AFG2A: variants seen among roughly 807,000 people sequenced by gnomAD.
AFG2A encodes ATPase family gene 2 protein homolog A.
At chr4:123,265,974 G>A in the AFG2A span, among the ~76,000 whole-genome samples, 1 of 151,940 alleles carries the variant, frequency 6.6e-6, no homozygotes, top group African/African-American at 2.4e-5. Flanking sequence ...TGATAAAATG[G>A]AGGTGGGGGT....
the AFG2A span, among the ~76,000 whole-genome samples, chr4:123,098,615 C>A: frequency 6.6e-6 from 1 of 151,984 alleles, no homozygotes; most frequent in Non-Finnish European, 1.5e-5. Flanking sequence ...AGATCATGCA[C>A]TATTTGCCTT....
chr4:123,250,731 A>G, the AFG2A span, among the ~76,000 whole-genome samples: 1 of 152,186 alleles, frequency 6.6e-6, no homozygotes, highest in Non-Finnish European at 1.5e-5. Context: ...TAAAGTTTTA[A>G]TGGACAGACC....
chr4:123,197,345 A>G, the AFG2A span, among the ~76,000 whole-genome samples: 9 of 152,210 alleles, frequency 5.9e-5, no homozygotes, highest in Admixed American at 5.2e-4. Flanking sequence ...CCGGGTTAAG[A>G]GAACATAGGC....
At chr4:122,927,942 A>G in the AFG2A span, among the ~76,000 whole-genome samples, 1 of 152,336 alleles carries the variant, frequency 6.6e-6, no homozygotes. Context: ...AAAATGGAAA[A>G]TTCAAAACGC....
the AFG2A span, chr4:122,929,234 G>T: frequency 1.5e-5 from 23 of 1,519,460 alleles, no homozygotes; most frequent in Non-Finnish European, 1.8e-5. Context: ...CTGGATCAAA[G>T]CTGCCCAGTA....
the AFG2A span, among the ~76,000 whole-genome samples, chr4:123,233,485 A>G: frequency 6.6e-6 from 1 of 152,026 alleles, no homozygotes; most frequent in Non-Finnish European, 1.5e-5. Flanking sequence ...ACCTCTTTTT[A>G]TATTGAAATT....
the AFG2A span, among the ~76,000 whole-genome samples, chr4:122,993,557 A>T: frequency 6.6e-6 from 1 of 152,142 alleles, no homozygotes; most frequent in Non-Finnish European, 1.5e-5. Flanking sequence ...ATTTTTAGAA[A>T]TAAAAGTATA....
At chr4:123,008,850 A>C in the AFG2A span, among the ~76,000 whole-genome samples, 1 of 152,228 alleles carries the variant, frequency 6.6e-6, no homozygotes, top group Non-Finnish European at 1.5e-5. Context: ...ATAAGTTTAA[A>C]GGTTTGGTAT....
At chr4:123,115,912 T>G in the AFG2A span, among the ~76,000 whole-genome samples, 1 of 152,094 alleles carries the variant, frequency 6.6e-6, no homozygotes, top group Admixed American at 6.5e-5. Context: ...TTTTAAAAAA[T>G]TTTTTGAGAC....
the AFG2A span, among the ~76,000 whole-genome samples, chr4:123,233,263 A>G: frequency 6.6e-6 from 1 of 150,394 alleles, no homozygotes; most frequent in Non-Finnish European, 1.5e-5. Context: ...TAAAAAAATT[A>G]TGTACACACA....
At chr4:123,029,367 T>C in the AFG2A span, among the ~76,000 whole-genome samples, 126,343 of 152,172 alleles carry the variant, frequency 0.83, 53,682 homozygotes, top group East Asian at 0.97. Flanking sequence ...CGACTGCGTC[T>C]GGCCCAGAAT....
chr4:123,068,944 G>A, the AFG2A span, among the ~76,000 whole-genome samples: 2 of 152,082 alleles, frequency 1.3e-5, no homozygotes, highest in African/African-American at 4.8e-5. Flanking sequence ...AAGAATCATT[G>A]GTAAGCTTTG....
At chr4:123,255,951 G>C in the AFG2A span, 19 of 1,580,280 alleles carry the variant, frequency 1.2e-5, no homozygotes, top group Non-Finnish European at 1.6e-5. Flanking sequence ...CTTTCCCTAG[G>C]TATCTTTGAG....
At chr4:122,934,500 T>C in the AFG2A span, 2 of 1,614,190 alleles carry the variant, frequency 1.2e-6, no homozygotes, top group South Asian at 2.2e-5. Flanking sequence ...ATGAGCAACT[T>C]ACTGAAGAAG....
chr4:122,961,379 C>A, the AFG2A span, among the ~76,000 whole-genome samples: 126,498 of 152,208 alleles, frequency 0.83, 53,726 homozygotes, highest in East Asian at 0.96. Flanking sequence ...AGATAGGGAA[C>A]TCTGGCAGAA....
chr4:123,226,718 G>T, the AFG2A span, among the ~76,000 whole-genome samples: 3 of 152,140 alleles, frequency 2.0e-5, no homozygotes, highest in South Asian at 2.1e-4. Context: ...GATGATGCTG[G>T]CCTCATAAAA....
At chr4:123,312,595 A>G in the AFG2A span, among the ~76,000 whole-genome samples, 2 of 152,208 alleles carry the variant, frequency 1.3e-5, no homozygotes, top group Non-Finnish European at 2.9e-5. Flanking sequence ...TCTTGTTTTC[A>G]AAAGAGCTCT....
chr4:123,067,998 T>C, the AFG2A span, among the ~76,000 whole-genome samples: 2 of 152,184 alleles, frequency 1.3e-5, no homozygotes, highest in Non-Finnish European at 2.9e-5. Context: ...ATATGTCTTT[T>C]GAATAGGAAT....
chr4:123,172,082 A>G, the AFG2A span, among the ~76,000 whole-genome samples: 6 of 152,246 alleles, frequency 3.9e-5, no homozygotes, highest in South Asian at 1.2e-3. Flanking sequence ...AAAGCAGCAT[A>G]CTTGATGCTG....
Sources: allele counts gnomAD v4.1 joint callset (sites outside exome capture counted in the v4.1 genomes callset), GRCh38; gene constraint gnomAD v4.1.1; transcripts MANE v1.5; gene names NCBI Gene and HGNC (gene_info 2026-07-23, HGNC 2026-07-21).